The following FRAS1 variants were observed in gnomAD, a reference collection of about 807,000 sequenced individuals.
The protein encoded by FRAS1 is Fraser extracellular matrix complex subunit 1.
FRAS1 carries 290 observed loss-of-function variants against 435.2 expected under a neutral mutation model. That is an observed-to-expected ratio of 0.67 (90% CI 0.61 to 0.73). The LOEUF is 0.73. Among genes scored for constraint, FRAS1 ranks in the 30% least tolerant of loss-of-function variants. The pLI, the probability that FRAS1 is intolerant of heterozygous loss-of-function variation, is 0.00. For missense variants in FRAS1, 4,860 were observed against 5,001.5 expected (o/e 0.97, Z 0.85); for synonymous variants, 1,800 against 1,851.0 (o/e 0.97, Z 0.71).
chr4:78,274,220 T>A (rs528729548), intron 9 of FRAS1, among the ~76,000 whole-genome samples: 39 of 152,352 alleles, frequency 2.6e-4, no homozygotes, highest in Middle Eastern at 6.8e-3. Context: ...TCTGTATTAG[T>A]CTTGCTATCA....
chr4:78,499,942 A>G (rs901107802), intron 61 of FRAS1, 21 bp downstream of exon 61: 2 of 1,496,706 alleles, frequency 1.3e-6, no homozygotes, highest in African/African-American at 1.4e-5. Flanking sequence ...GCCAACCTCA[A>G]TCTGTGGGTT....
chr4:78,118,234 G>A (rs905945107), intron 2 of FRAS1, among the ~76,000 whole-genome samples: 4 of 152,086 alleles, frequency 2.6e-5, no homozygotes, highest in African/African-American at 9.7e-5. Context: ...GTGTCAGTCT[G>A]CCCCTACTGG....
chr4:78,095,276 T>C (rs546034643), intron 2 of FRAS1, among the ~76,000 whole-genome samples: 1 of 152,350 alleles, frequency 6.6e-6, no homozygotes, highest in Admixed American at 6.5e-5. Flanking sequence ...AAAAAGACTA[T>C]TTCCAGATGG....
chr4:78,216,983 GT>G (rs1436479583), intron 2 of FRAS1, among the ~76,000 whole-genome samples: 1 of 152,130 alleles, frequency 6.6e-6, no homozygotes, highest in African/African-American at 2.4e-5. Flanking sequence ...AGAAATTTAA[GT>G]TTTTTTAGTC....
At position 78,452,214 on chromosome 4, in the gene FRAS1, T is replaced by A; in HGVS notation, c.6623T>A (p.Leu2208Gln). ...CCAGTCATCACCACCAATAAAGGAC[T>A]GGTCTTGGATGAAAACTCAGTGAAG... ...SPPVITTNKG[L>Q]VLDENSVKKI... is the part of the protein sequence containing the mutation. The change falls in exon 47 of 74, where the codon CTG becomes CAG. Residue 2208 changes from leucine (L) to glutamine (Q), a missense_variant. Physicochemically the swap from Leu to Gln is moderately radical, Grantham distance 113. Coordinates refer to ENST00000512123, the MANE Select transcript of FRAS1 (RefSeq NM_025074.7). 6.2e-7 allele frequency: 1 copy of A among 1,613,872 alleles called. No homozygotes were observed. The highest frequency in any genetic ancestry group is 8.5e-7 in the Non-Finnish European group (1 of 1,179,760).
At chr4:78,430,439 C>CT (rs1323482417) in intron 37 of FRAS1, 22 bp downstream of exon 37, 7 of 1,602,950 alleles carry the variant, frequency 4.4e-6, no homozygotes, top group Non-Finnish European at 6.0e-6. Flanking sequence ...CCTACACACT[C>CT]TGTCACTGAC....
At chr4:78,283,043 C>A (rs1396212380) in intron 12 of FRAS1, 76 bp downstream of exon 12, 60 of 1,150,382 alleles carry the variant, frequency 5.2e-5, no homozygotes, top group Non-Finnish European at 3.4e-5. Context: ...TCCCCACCCC[C>A]TTGCTTCTTT....
At chr4:78,216,121 G>A (rs1012692433) in intron 2 of FRAS1, among the ~76,000 whole-genome samples, 2 of 152,298 alleles carry the variant, frequency 1.3e-5, no homozygotes, top group East Asian at 1.9e-4. Context: ...TTGGGACATC[G>A]AATGTGCTTA....
intron 9 of FRAS1, among the ~76,000 whole-genome samples, chr4:78,277,239 A>T (rs61476761): frequency 0.031 from 4,748 of 152,236 alleles, 252 homozygotes; most frequent in African/African-American, 0.11. Flanking sequence ...TAGGAAAGGG[A>T]ATTCCCTGAC....
chr4:78,286,369 G>C (rs1331511258), intron 13 of FRAS1, 36 bp from the exon 14 acceptor site: 4 of 1,611,676 alleles, frequency 2.5e-6, no homozygotes. Context: ...TAATCAAATG[G>C]TTCCTTTCTC....
intron 2 of FRAS1, among the ~76,000 whole-genome samples, chr4:78,097,852 T>C (rs180856641): frequency 2.2e-4 from 34 of 152,046 alleles, no homozygotes; most frequent in African/African-American, 7.7e-4. Context: ...AAAGAGATAA[T>C]TAAGGTAAAA....
chr4:78,207,020 A>G (rs1243351937), intron 2 of FRAS1, among the ~76,000 whole-genome samples: 2 of 152,236 alleles, frequency 1.3e-5, no homozygotes, highest in Non-Finnish European at 2.9e-5. Context: ...TAAAATAGGC[A>G]TCAGTTGAGA....
At chr4:78,475,742 A>G (rs1719835931) in intron 54 of FRAS1, 136 bp downstream of exon 54, 2 of 765,134 alleles carry the variant, frequency 2.6e-6, no homozygotes, top group South Asian at 2.9e-5. Flanking sequence ...TAGTTTTCCT[A>G]TGTTCCCCTC....
intron 47 of FRAS1, among the ~76,000 whole-genome samples, chr4:78,461,965 A>G (rs1463066471): frequency 6.6e-6 from 1 of 150,982 alleles, no homozygotes; most frequent in African/African-American, 2.4e-5. Context: ...GGCGACGGGA[A>G]AGGGAAGGAT....
intron 2 of FRAS1, among the ~76,000 whole-genome samples, chr4:78,236,805 T>C (rs1208823188): frequency 2.6e-5 from 4 of 152,226 alleles, no homozygotes; most frequent in Non-Finnish European, 4.4e-5. Flanking sequence ...ATTGTTTTCC[T>C]TTCCAATTTG....
intron 59 of FRAS1, among the ~76,000 whole-genome samples, chr4:78,491,225 G>T (rs1428487263): frequency 1.3e-5 from 2 of 152,048 alleles, no homozygotes; most frequent in Non-Finnish European, 2.9e-5. Context: ...TTCTACCAGA[G>T]GTACAAAGAG....
At chr4:78,095,231 G>A (rs1475711117) in intron 2 of FRAS1, among the ~76,000 whole-genome samples, 1 of 152,166 alleles carries the variant, frequency 6.6e-6, no homozygotes, top group African/African-American at 2.4e-5. Context: ...GGTTGGTTAG[G>A]TTTCATTCAA....
intron 11 of FRAS1, among the ~76,000 whole-genome samples, chr4:78,282,390 G>A (rs1002488498): frequency 2.0e-5 from 3 of 152,190 alleles, no homozygotes; most frequent in African/African-American, 7.2e-5. Context: ...TAACCATAGG[G>A]AAATTCAGGT....
At chr4:78,435,301 A>G (rs757191805) in intron 38 of FRAS1, among the ~76,000 whole-genome samples, 47 of 152,190 alleles carry the variant, frequency 3.1e-4, no homozygotes, top group Admixed American at 1.3e-4. Flanking sequence ...AACAATGAAC[A>G]TTCTGAAAAA....
Sources: allele counts gnomAD v4.1 joint callset (sites outside exome capture counted in the v4.1 genomes callset), GRCh38; gene constraint gnomAD v4.1.1; transcripts MANE v1.5; gene names NCBI Gene and HGNC (gene_info 2026-07-23, HGNC 2026-07-21).